PLEKHA7: variants seen among roughly 807,000 people sequenced by gnomAD.
PLEKHA7 encodes pleckstrin homology domain-containing family A member 7.
Under a neutral mutation model 170.0 loss-of-function variants are expected in PLEKHA7, and 104 were observed. The observed-to-expected ratio is 0.61, with a 90% CI of 0.52 to 0.72. The LOEUF is 0.72. PLEKHA7 is among the 30% of genes least tolerant of loss of function. PLEKHA7 has a pLI of 0.00. For synonymous variants in PLEKHA7, 648 were observed against 660.8 expected (o/e 0.98, Z 0.30); for missense variants, 1,615 against 1,671.7 (o/e 0.97, Z 0.59).
At chr11:16,837,074 T>C (rs1851574646) in intron 9 of PLEKHA7, among the ~76,000 whole-genome samples, 1 of 152,172 alleles carries the variant, frequency 6.6e-6, no homozygotes, top group Non-Finnish European at 1.5e-5. Context: ...TCCGCCTGCT[T>C]CGGCCTCCCA....
At chr11:16,948,853 C>G (rs569148537) in intron 3 of PLEKHA7, among the ~76,000 whole-genome samples, 1 of 152,224 alleles carries the variant, frequency 6.6e-6, no homozygotes, top group Non-Finnish European at 1.5e-5. Flanking sequence ...CACTTTCCCG[C>G]TTCCAGGGCA....
intron 3 of PLEKHA7, among the ~76,000 whole-genome samples, chr11:16,924,191 A>C (rs1037170062): frequency 2.0e-5 from 3 of 152,172 alleles, no homozygotes; most frequent in Non-Finnish European, 4.4e-5. Flanking sequence ...TGATAAGGAC[A>C]GGAGGGAAAC....
At chr11:16,782,701 C>T (rs1849125753) in intron 26 of PLEKHA7, 53 bp downstream of exon 26, 3 of 1,529,198 alleles carry the variant, frequency 2.0e-6, no homozygotes, top group Non-Finnish European at 2.6e-6. Context: ...GGCCCAAGCC[C>T]ACAGGTGCAG....
rs184550093 is a variant in PLEKHA7, at chr11:16,880,592, G to A, written c.222-9410C>T. Among the ~76,000 whole-genome samples the A allele has an allele frequency of 3.6e-3, 547 of 152,234 alleles. 3 individuals carry two copies. The highest frequency in any genetic ancestry group is 0.014 in the Middle Eastern group (4 of 294). ...ACACGCTTTCTTTTCTTCCCTTTGAGTTAAGGCACAGCACCCAGCCTCCTG... is the reference window on the plus strand; with the variant it reads ...ACACGCTTTCTTTTCTTCCCTTTGAATTAAGGCACAGCACCCAGCCTCCTG... On this transcript the variant is annotated intron_variant, in intron 3 of 26. Coordinates refer to ENST00000531066, the MANE Select transcript of PLEKHA7 (RefSeq NM_001329630.2).
At chr11:16,873,413 T>C (rs1273697069) in intron 3 of PLEKHA7, among the ~76,000 whole-genome samples, 1 of 152,114 alleles carries the variant, frequency 6.6e-6, no homozygotes, top group Non-Finnish European at 1.5e-5. Flanking sequence ...TCCTTAGTCC[T>C]GCAACTGTGT....
At chr11:16,968,520 C>T (rs745674631) in intron 3 of PLEKHA7, among the ~76,000 whole-genome samples, 34 of 152,324 alleles carry the variant, frequency 2.2e-4, no homozygotes, top group Non-Finnish European at 3.7e-4. Context: ...TTCTGCCAGG[C>T]CATCTGGGGT....
At chr11:16,982,814 G>A (rs1863516376) in intron 3 of PLEKHA7, among the ~76,000 whole-genome samples, 1 of 123,992 alleles carries the variant, frequency 8.1e-6, no homozygotes, top group Admixed American at 9.0e-5. Context: ...CACGGAGAAA[G>A]AGAGACAGAG....
intron 3 of PLEKHA7, 49 bp downstream of exon 3, chr11:17,013,940 A>AT (rs1555002830): frequency 6.9e-5 from 90 of 1,298,290 alleles, no homozygotes; most frequent in Non-Finnish European, 8.9e-5. Flanking sequence ...ACGGGGAGGG[A>AT]CCCCCCCCCC....
At chr11:16,888,398 A>G (rs868734132) in intron 3 of PLEKHA7, among the ~76,000 whole-genome samples, 2,162 of 152,098 alleles carry the variant, frequency 0.014, 7 homozygotes, top group African/African-American at 0.049. Context: ...TTTGTTGAGT[A>G]GACGGGGGGG....
intron 3 of PLEKHA7, among the ~76,000 whole-genome samples, chr11:16,938,285 G>A (rs1261382850): frequency 1.3e-5 from 2 of 152,096 alleles, no homozygotes; most frequent in Non-Finnish European, 2.9e-5. Context: ...GGAAAGACAC[G>A]TGGCTTCGTC....
chr11:16,809,829 C>T (rs1849237947), intron 13 of PLEKHA7, among the ~76,000 whole-genome samples: 1 of 152,220 alleles, frequency 6.6e-6, no homozygotes. Flanking sequence ...CCACAGAAAA[C>T]ACATGGAGAC....
chr11:16,903,557 T>C (rs1267617140), intron 3 of PLEKHA7, among the ~76,000 whole-genome samples: 2 of 152,130 alleles, frequency 1.3e-5, no homozygotes, highest in Non-Finnish European at 2.9e-5. Context: ...TTATGGATTG[T>C]AGAGAATGCT....
intron 3 of PLEKHA7, among the ~76,000 whole-genome samples, chr11:16,925,016 C>G (rs1859404189): frequency 6.6e-6 from 1 of 152,218 alleles, no homozygotes; most frequent in Admixed American, 6.5e-5. Flanking sequence ...TTACCTCCTC[C>G]GTAGCCGGCT....
At chr11:16,893,281 T>C (rs1177033466) in intron 3 of PLEKHA7, among the ~76,000 whole-genome samples, 1 of 152,238 alleles carries the variant, frequency 6.6e-6, no homozygotes, top group African/African-American at 2.4e-5. Context: ...TTCTCCTGCA[T>C]CACGGTATTT....
At chr11:16,847,842 CAAAAAA>C (rs35191685) in intron 8 of PLEKHA7, among the ~76,000 whole-genome samples, 1 of 101,462 alleles carries the variant, frequency 9.9e-6, no homozygotes, top group Non-Finnish European at 2.1e-5. Context: ...AATTCTGTCT[CAAAAAA>C]AAAAAAAAAA....
chr11:16,783,924 G>T, intron 24 of PLEKHA7, 91 bp from the exon 25 acceptor site: 1 of 1,245,530 alleles, frequency 8.0e-7, no homozygotes, highest in East Asian at 3.1e-5. Context: ...CCCACCATGG[G>T]AAGCAAGCAG....
chr11:17,006,583 C>T (rs1865007790), intron 3 of PLEKHA7, among the ~76,000 whole-genome samples: 1 of 149,746 alleles, frequency 6.7e-6, no homozygotes, highest in African/African-American at 2.5e-5. Context: ...GCCGAGATGC[C>T]GCCACTGCAC....
chr11:16,944,241 C>T (rs1289118439), intron 3 of PLEKHA7, among the ~76,000 whole-genome samples: 5 of 152,142 alleles, frequency 3.3e-5, no homozygotes, highest in African/African-American at 1.2e-4. Flanking sequence ...GTAATCCCAG[C>T]TACTTAGTAG....
intron 24 of PLEKHA7, among the ~76,000 whole-genome samples, chr11:16,784,524 A>G (rs1160042360): frequency 6.6e-6 from 1 of 152,198 alleles, no homozygotes; most frequent in Non-Finnish European, 1.5e-5. Flanking sequence ...TGGCCAGAGG[A>G]AAATGGCCCC....
Sources: gnomAD v4.1 joint callset for allele counts (sites outside exome capture counted in the v4.1 genomes callset) on GRCh38, gnomAD v4.1.1 for gene constraint, MANE v1.5 for transcripts, NCBI Gene and HGNC (gene_info 2026-07-23, HGNC 2026-07-21) for gene names.